Variants in STK17B observed in about 807,000 individuals in gnomAD.
The protein encoded by STK17B is serine/threonine kinase 17b.
A neutral mutation model predicts 42.0 loss-of-function variants in STK17B; 21 were observed. The ratio of observed to expected loss-of-function variants is 0.50; its 90% CI spans 0.35 to 0.72. The LOEUF (loss-of-function observed/expected upper bound fraction) is 0.72. Ranked by LOEUF, STK17B falls within the 30% of genes least tolerant of loss-of-function variation. STK17B has a pLI of 0.00. For missense variants in STK17B, 349 were observed against 446.0 expected, an observed-to-expected ratio of 0.78 and a Z score of 1.96; for synonymous variants, 143 against 148.4, an observed-to-expected ratio of 0.96 and a Z score of 0.26.
At chr2:196,164,185 G>A (rs1246722954) in intron 1 of STK17B, among the ~76,000 whole-genome samples, 1 of 152,050 alleles carries the variant, frequency 6.6e-6, no homozygotes, top group Non-Finnish European at 1.5e-5. Context: ...CACATATTGT[G>A]AGTTATATTA....
chr2:196,158,807 C>T (rs1699773626), intron 2 of STK17B, among the ~76,000 whole-genome samples: 1 of 151,978 alleles, frequency 6.6e-6, no homozygotes, highest in Non-Finnish European at 1.5e-5. Flanking sequence ...GTCAGGAGAT[C>T]AAGACCATCT....
upstream of STK17B, among the ~76,000 whole-genome samples, chr2:196,171,728 C>T (rs35984558): frequency 3.4e-5 from 5 of 146,670 alleles, no homozygotes; most frequent in East Asian, 4.0e-4. Flanking sequence ...GGGCGGGGCC[C>T]GGCGGTGAGA....
intron 3 of STK17B, among the ~76,000 whole-genome samples, chr2:196,149,411 G>A (rs1267553960): frequency 6.6e-6 from 1 of 151,982 alleles, no homozygotes; most frequent in African/African-American, 2.4e-5. Flanking sequence ...TGATCCGCCC[G>A]CCTCGGCCTC....
chr2:196,168,804 C>A (rs1402515407), intron 1 of STK17B, among the ~76,000 whole-genome samples: 1 of 152,090 alleles, frequency 6.6e-6, no homozygotes, highest in East Asian at 1.9e-4. Context: ...CATTTCTTAA[C>A]TGAAATATTC....
At chr2:196,158,944 G>C (rs1478136195) in intron 2 of STK17B, among the ~76,000 whole-genome samples, 4 of 150,944 alleles carry the variant, frequency 2.6e-5, no homozygotes, top group Non-Finnish European at 5.9e-5. Context: ...TCGGCAGACG[G>C]AGGTTGCAGT....
chr2:196,173,087 C>T (rs144563962), upstream of STK17B, among the ~76,000 whole-genome samples: 84 of 152,284 alleles, frequency 5.5e-4, no homozygotes, highest in Admixed American at 1.6e-3. Flanking sequence ...ACCCCATACT[C>T]CCCGTCACTA....
chr2:196,156,609 A>G lies in STK17B; in HGVS notation c.165T>C (p.Thr55=). ...GAAATTTTGCAGCATATTCTTGGCCAGTAGATTTTGATATACATTGTCTAA... is the reference window on the plus strand; with the variant it reads ...GAAATTTTGCAGCATATTCTTGGCCGGTAGATTTTGATATACATTGTCTAA... ...AVVRQCISKS[T]GQEYAAKFLK... is the part of the protein sequence containing the mutation. The change falls in exon 3 of 8, where the codon ACT becomes ACC. Residue 55 remains threonine (T), a synonymous_variant. Coordinates refer to ENST00000263955, the MANE Select transcript of STK17B (RefSeq NM_004226.4). 2 of 1,614,030 alleles carry G rather than the reference A, an allele frequency of 1.2e-6. No individual in the cohort carries two copies. Among genetic ancestry groups the G allele is most frequent in the Non-Finnish European group, 8.5e-7 (1 of 1,179,968 alleles).
chr2:196,168,636 A>C (rs1373700582), intron 1 of STK17B, among the ~76,000 whole-genome samples: 1 of 151,736 alleles, frequency 6.6e-6, no homozygotes, highest in Non-Finnish European at 1.5e-5. Flanking sequence ...ATGCATATAA[A>C]TATTAAAAGA....
chr2:196,163,732 A>G (rs569265410), intron 1 of STK17B, among the ~76,000 whole-genome samples: 2 of 152,272 alleles, frequency 1.3e-5, no homozygotes, highest in East Asian at 3.9e-4. Flanking sequence ...ATAAAACTCC[A>G]TTCTTTAAAG....
At chr2:196,169,832 T>A (rs1416953030) in intron 1 of STK17B, among the ~76,000 whole-genome samples, 1 of 152,074 alleles carries the variant, frequency 6.6e-6, no homozygotes, top group Admixed American at 6.6e-5. Context: ...ATTCTACTTT[T>A]AAAAAGTCTT....
intron 2 of STK17B, among the ~76,000 whole-genome samples, chr2:196,162,296 G>A (rs1320436963): frequency 6.6e-6 from 1 of 152,044 alleles, no homozygotes; most frequent in Admixed American, 6.6e-5. Context: ...ATTTGTAAAG[G>A]CTTTTTACTT....
In STK17B at chr2:196,156,533, T is replaced by C. The variant is rs769921646; in HGVS notation, c.241A>G (p.Ile81Val). 2.0e-5 allele frequency: 33 copies of C among 1,613,970 alleles called. No individual in the cohort carries two copies. The African/African-American group carries it at 3.9e-4, about 19-fold the overall frequency. Residue 81 changes from isoleucine (I) to valine (V), a missense_variant, in exon 3 of 8, where the codon ATT becomes GTT. Physicochemically the swap from Ile to Val is conservative, Grantham distance 29. Coordinates refer to ENST00000263955, the MANE Select transcript of STK17B (RefSeq NM_004226.4). ...GACTTTGCCAATTCAAGCACAGCAA[T>C]CTCGTGTAAAATTTCTGCTCGACAA... The part of the protein sequence containing the change: ...QDCRAEILHE[I>V]AVLELAKSCP...
At chr2:196,138,846 A>T (rs1575169665) in intron 7 of STK17B, among the ~76,000 whole-genome samples, 1 of 151,442 alleles carries the variant, frequency 6.6e-6, no homozygotes, top group African/African-American at 2.4e-5. Flanking sequence ...AGTGCTGGGA[A>T]TACAGGCGTG....
At chr2:196,143,012 T>G (rs949433766) in intron 5 of STK17B, among the ~76,000 whole-genome samples, 1 of 152,252 alleles carries the variant, frequency 6.6e-6, no homozygotes, top group African/African-American at 2.4e-5. Flanking sequence ...AAAGGTTCTT[T>G]TTGGCACTCT....
chr2:196,167,848 C>T (rs1187057175), intron 1 of STK17B, among the ~76,000 whole-genome samples: 4 of 152,074 alleles, frequency 2.6e-5, no homozygotes, highest in Admixed American at 6.6e-5. Flanking sequence ...AAAGTAAGCC[C>T]GAAGATTCTA....
chr2:196,156,405 C>T, intron 3 of STK17B, 34 bp downstream of exon 3: 8 of 1,468,932 alleles, frequency 5.4e-6, no homozygotes, highest in South Asian at 2.5e-5. Context: ...CTTTTCATAC[C>T]AACTAAAATA....
At chr2:196,146,123 C>A in intron 3 of STK17B, 68 bp from the exon 4 acceptor site, 2 of 1,421,828 alleles carry the variant, frequency 1.4e-6, no homozygotes, top group Non-Finnish European at 1.9e-6. Flanking sequence ...ATATTGTGTA[C>A]CTGTTAAGTA....
chr2:196,173,174 C>T (rs1699968101), upstream of STK17B, among the ~76,000 whole-genome samples: 1 of 152,192 alleles, frequency 6.6e-6, no homozygotes, highest in Non-Finnish European at 1.5e-5. Flanking sequence ...TCCTCTTGGT[C>T]ACAATACCTC....
intron 5 of STK17B, among the ~76,000 whole-genome samples, chr2:196,141,707 T>C (rs1210217696): frequency 2.0e-5 from 3 of 152,172 alleles, no homozygotes; most frequent in Non-Finnish European, 4.4e-5. Flanking sequence ...CCTAGTGATA[T>C]AAGACGATAG....
Sources: gnomAD v4.1 joint callset for allele counts (sites outside exome capture counted in the v4.1 genomes callset) on GRCh38, gnomAD v4.1.1 for gene constraint, MANE v1.5 for transcripts, NCBI Gene and HGNC (gene_info 2026-07-23, HGNC 2026-07-21) for gene names.